PDE10A: variants seen among roughly 807,000 people sequenced by gnomAD.
PDE10A encodes the protein phosphodiesterase 10A, also known as cAMP and cAMP-inhibited cGMP 3',5'-cyclic phosphodiesterase 10A.
Under a neutral mutation model 97.7 loss-of-function variants are expected in PDE10A, and 39 were observed. The ratio of observed to expected loss-of-function variants is 0.40; its 90% confidence interval spans 0.31 to 0.52. PDE10A has a LOEUF of 0.52. Ranked by LOEUF, PDE10A falls within the 20% of genes least tolerant of loss-of-function variation. The pLI, the probability that PDE10A is intolerant of heterozygous loss-of-function variation, is 0.56. For synonymous variants in PDE10A, 371 were observed against 376.8 expected, an observed-to-expected ratio of 0.98 and a Z score of 0.18; for missense variants, 731 against 1,047.8, an observed-to-expected ratio of 0.70 and a Z score of 4.17.
At chr6:165,406,633 C>T (rs1234442081) in intron 13 of PDE10A, among the ~76,000 whole-genome samples, 2 of 152,068 alleles carry the variant, frequency 1.3e-5, no homozygotes, top group African/African-American at 4.8e-5. Flanking sequence ...TAAGTGTCAA[C>T]TTGACTGGGT....
chr6:165,465,940 T>C (rs1247584548), intron 3 of PDE10A, among the ~76,000 whole-genome samples: 2 of 148,954 alleles, frequency 1.3e-5, no homozygotes, highest in African/African-American at 4.9e-5. Context: ...TGACAGAAAC[T>C]GCAGGAGGAA....
At chr6:165,888,411 G>A (rs1311792067) in intron 1 of PDE10A, among the ~76,000 whole-genome samples, 9 of 151,578 alleles carry the variant, frequency 5.9e-5, no homozygotes, top group Non-Finnish European at 1.5e-5. Context: ...TCAGCCTCCC[G>A]AGTAGCTGGG....
chr6:165,924,166 G>A (rs1782849659), intron 1 of PDE10A, among the ~76,000 whole-genome samples: 1 of 152,218 alleles, frequency 6.6e-6, no homozygotes, highest in Non-Finnish European at 1.5e-5. Flanking sequence ...ATCTCTCTGT[G>A]TGTACAATTC....
intron 18 of PDE10A, among the ~76,000 whole-genome samples, chr6:165,374,139 A>G (rs1364892754): frequency 6.7e-6 from 1 of 150,014 alleles, no homozygotes; most frequent in African/African-American, 2.4e-5. Context: ...TAAATGACGA[A>G]TTAATGGGTG....
rs541722806 is a variant in PDE10A, at chr6:165,734,736, G to T, written c.-614-191168C>A. On this transcript the variant is annotated intron_variant, in intron 1 of 19. Coordinates refer to the PDE10A transcript ENST00000366882. Reference sequence around the variant, plus strand: ...GTTAAGAGACATGGGTACAGAAGGAGAACTTCCATCATATTCTTAATGGGA... The same window carrying T: ...GTTAAGAGACATGGGTACAGAAGGATAACTTCCATCATATTCTTAATGGGA... Among the ~76,000 whole-genome samples the T allele has an allele frequency of 3.6e-4, 55 of 152,208 alleles. 1 individual carries two copies. In the South Asian group the frequency reaches 0.011, roughly 29 times the overall value.
intron 1 of PDE10A, among the ~76,000 whole-genome samples, chr6:165,824,381 T>A (rs943679591): frequency 2.0e-5 from 3 of 152,092 alleles, no homozygotes; most frequent in Admixed American, 1.3e-4. Flanking sequence ...AGTTTCTGAG[T>A]GGGGTATTAT....
chr6:165,434,677 C>G (rs553380616), intron 6 of PDE10A, among the ~76,000 whole-genome samples: 13 of 152,280 alleles, frequency 8.5e-5, no homozygotes, highest in African/African-American at 3.1e-4. Context: ...TGTTACCTCA[C>G]AAAAACACAC....
chr6:165,347,249 TAC>T (rs1250725954), intron 18 of PDE10A, among the ~76,000 whole-genome samples: 15 of 152,268 alleles, frequency 9.9e-5, no homozygotes, highest in African/African-American at 3.6e-4. Context: ...CTAAGAATAA[TAC>T]AGTTTTTCTG....
chr6:165,612,321 C>T (rs1787533041), intron 1 of PDE10A, among the ~76,000 whole-genome samples: 1 of 152,106 alleles, frequency 6.6e-6, no homozygotes, highest in Admixed American at 6.5e-5. Context: ...CTCCTTAATC[C>T]CATACACTTT....
intron 1 of PDE10A, among the ~76,000 whole-genome samples, chr6:165,571,738 C>G (rs1785059855): frequency 6.6e-6 from 1 of 152,142 alleles, no homozygotes; most frequent in Admixed American, 6.5e-5. Flanking sequence ...TTCTCATAAT[C>G]CACAGTCACG....
chr6:165,669,335 T>C (rs1165917656), intron 1 of PDE10A, among the ~76,000 whole-genome samples: 1 of 152,178 alleles, frequency 6.6e-6, no homozygotes, highest in Non-Finnish European at 1.5e-5. Flanking sequence ...CATAATCCCG[T>C]GGCCATATTC....
chr6:165,763,604 C>T lies in PDE10A; in HGVS notation c.-614-220036G>A, dbSNP rs1005196370. ...TCCCAAAGTGCTAGGATTACAGGTGCGAGCCACTGTGCCCAGCCTTGAGAT... is the reference window on the plus strand; with the variant it reads ...TCCCAAAGTGCTAGGATTACAGGTGTGAGCCACTGTGCCCAGCCTTGAGAT... On this transcript the variant is annotated intron_variant, in intron 1 of 19. Coordinates refer to the PDE10A transcript ENST00000366882. 5.9e-5 allele frequency among the ~76,000 whole-genome samples: 9 copies of T among 152,144 alleles called. No homozygotes were observed. The South Asian group carries it at 6.2e-4, about 11-fold the overall frequency.
At chr6:165,725,525 T>C (rs570913872) in intron 1 of PDE10A, among the ~76,000 whole-genome samples, 18 of 152,176 alleles carry the variant, frequency 1.2e-4, no homozygotes, top group Non-Finnish European at 1.9e-4. Flanking sequence ...ATAAGGGAAC[T>C]TTTCCCGTTT....
chr6:165,537,531 A>G (rs2128319061), intron 2 of PDE10A, among the ~76,000 whole-genome samples: 1 of 152,156 alleles, frequency 6.6e-6, no homozygotes, highest in South Asian at 2.1e-4. Context: ...ATAAATATGT[A>G]TAATTACTAA....
intron 1 of PDE10A, among the ~76,000 whole-genome samples, chr6:165,836,130 G>A (rs1042518238): frequency 2.0e-5 from 3 of 152,120 alleles, no homozygotes; most frequent in South Asian, 2.1e-4. Flanking sequence ...GTTTCCTGGC[G>A]AGCCATGGGT....
chr6:165,821,364 A>G (rs1394160824), intron 1 of PDE10A, among the ~76,000 whole-genome samples: 2 of 152,178 alleles, frequency 1.3e-5, no homozygotes, highest in South Asian at 4.1e-4. Context: ...GATCGTGACA[A>G]CAGAGTGAGA....
At chr6:165,425,090 G>A (rs1408992655) in intron 10 of PDE10A, among the ~76,000 whole-genome samples, 1 of 152,068 alleles carries the variant, frequency 6.6e-6, no homozygotes. Flanking sequence ...AATAAGTACT[G>A]TAAAAACTGG....
chr6:165,936,198 T>G (rs776190584), intron 1 of PDE10A, among the ~76,000 whole-genome samples: 4 of 152,228 alleles, frequency 2.6e-5, no homozygotes, highest in Non-Finnish European at 4.4e-5. Context: ...ACTGAGCCTC[T>G]GATGTATTCA....
chr6:165,948,381 G>A (rs1006225396), intron 1 of PDE10A: 5 of 152,138 alleles, frequency 3.3e-5, no homozygotes, highest in African/African-American at 1.2e-4. Context: ...TCCCTTCCTG[G>A]GGAGGAGGTT....
Sources: allele counts gnomAD v4.1 joint callset (sites outside exome capture counted in the v4.1 genomes callset), GRCh38; gene constraint gnomAD v4.1.1; transcripts MANE v1.5; gene names NCBI Gene and HGNC (gene_info 2026-07-23, HGNC 2026-07-21).